YWHAE: variants seen among roughly 807,000 people sequenced by gnomAD.
YWHAE encodes 14-3-3 protein epsilon.
In YWHAE, 4 loss-of-function variants were observed where a neutral mutation model predicts 30.1. The observed-to-expected ratio is 0.13, with a 90% CI of 0.07 to 0.30. YWHAE has a LOEUF of 0.30. Ranked by LOEUF, YWHAE falls within the 10% of genes least tolerant of loss-of-function variation. The pLI is 1.00. For missense variants in YWHAE, 121 were observed against 315.9 expected, an observed-to-expected ratio of 0.38 and a Z score of 4.68; for synonymous variants, 118 against 111.8, an observed-to-expected ratio of 1.06 and a Z score of -0.35.
intron 1 of YWHAE, among the ~76,000 whole-genome samples, chr17:1,384,798 C>T (rs901951530): frequency 6.6e-6 from 1 of 151,942 alleles, no homozygotes; most frequent in Non-Finnish European, 1.5e-5. Flanking sequence ...CTCCGCCTCC[C>T]GGGTTCAAGA....
At chr17:1,359,812 TTGTGTGTGTGTGTG>T (rs59650315) in intron 4 of YWHAE, among the ~76,000 whole-genome samples, 10,088 of 130,658 alleles carry the variant, frequency 0.077, 493 homozygotes, top group Middle Eastern at 0.12. Flanking sequence ...CACTAAATTG[TTGTGTGTGTGTGTG>T]TGTGTGTGTG....
chr17:1,378,483 A>G (rs1402071877), intron 1 of YWHAE, among the ~76,000 whole-genome samples: 3 of 152,228 alleles, frequency 2.0e-5, no homozygotes, highest in Non-Finnish European at 1.5e-5. Flanking sequence ...TCTTGTTACT[A>G]TTCAGAAATA....
intron 1 of YWHAE, among the ~76,000 whole-genome samples, chr17:1,374,552 C>T (rs2073095536): frequency 6.6e-6 from 1 of 152,090 alleles, no homozygotes; most frequent in African/African-American, 2.4e-5. Flanking sequence ...ACACTCCCAC[C>T]AGCAACACAG....
intron 1 of YWHAE, among the ~76,000 whole-genome samples, chr17:1,395,884 C>T (rs979051306): frequency 2.6e-5 from 4 of 152,060 alleles, no homozygotes; most frequent in Non-Finnish European, 2.9e-5. Context: ...TCTGGGAGGC[C>T]GAGGCGGGCG....
intron 1 of YWHAE, among the ~76,000 whole-genome samples, chr17:1,389,085 C>T (rs1466951633): frequency 6.6e-6 from 1 of 152,132 alleles, no homozygotes; most frequent in Non-Finnish European, 1.5e-5. Flanking sequence ...ACCACCTTGG[C>T]CTCCCAAGTA....
At chr17:1,350,722 A>G (rs572474588) in intron 5 of YWHAE, among the ~76,000 whole-genome samples, 16 of 151,456 alleles carry the variant, frequency 1.1e-4, no homozygotes, top group South Asian at 4.2e-4. Flanking sequence ...GATTACAGGC[A>G]TGAGCCACTG....
At chr17:1,359,489 A>C (rs1471652196) in intron 4 of YWHAE, among the ~76,000 whole-genome samples, 2 of 152,212 alleles carry the variant, frequency 1.3e-5, no homozygotes, top group African/African-American at 4.8e-5. Context: ...TGTGCAAAAT[A>C]CATAAAATGA....
chr17:1,364,835 G>C, intron 2 of YWHAE, 24 bp downstream of exon 2: 1 of 1,613,850 alleles, frequency 6.2e-7, no homozygotes, highest in Non-Finnish European at 8.5e-7. Context: ...TGGATAAGGG[G>C]GGATGATGGC....
intron 1 of YWHAE, 155 bp downstream of exon 1, chr17:1,399,892 G>C: frequency 1.2e-6 from 1 of 860,646 alleles, no homozygotes; most frequent in South Asian, 1.5e-5. Flanking sequence ...GCCTCCCATC[G>C]CCCCGGGAGC....
chr17:1,399,949 T>G lies in YWHAE; in HGVS notation c.64+98A>C, dbSNP rs892043203. On this transcript the variant is annotated intron_variant, in intron 1 of 5. Transcript: ENST00000264335. ...CCGAACCCAAGCCCCCGGGCCAGGC[T>G]CGCAGACGATGCCGCCATTTTGTCT... is the stretch of plus-strand genomic sequence containing the variant. 7 of 1,481,364 alleles carry G rather than the reference T, an allele frequency of 4.7e-6. No homozygotes were observed. The African/African-American group carries it at 6.9e-5, about 15-fold the overall frequency. The allele number at this position is 1,481,364 out of a possible 1,614,324, so 91.8% of individuals were successfully genotyped here.
intron 1 of YWHAE, among the ~76,000 whole-genome samples, chr17:1,397,359 T>A (rs908671707): frequency 2.2e-4 from 34 of 152,200 alleles, no homozygotes; most frequent in African/African-American, 7.5e-4. Flanking sequence ...AGATTTAATC[T>A]TCAACTCCCA....
At chr17:1,370,418 A>T (rs963247497) in intron 1 of YWHAE, among the ~76,000 whole-genome samples, 2 of 151,406 alleles carry the variant, frequency 1.3e-5, no homozygotes, top group Admixed American at 1.3e-4. Flanking sequence ...GGCGTGAGCC[A>T]CCGCGACTGG....
chr17:1,348,033 G>C, intron 5 of YWHAE: 1 of 998,142 alleles, frequency 1.0e-6, no homozygotes, highest in Non-Finnish European at 1.2e-6. Flanking sequence ...AAAAGGGAGG[G>C]AGAACAATCA....
chr17:1,380,298 G>A (rs1019118060), intron 1 of YWHAE, among the ~76,000 whole-genome samples: 1 of 152,058 alleles, frequency 6.6e-6, no homozygotes, highest in African/African-American at 2.4e-5. Context: ...TTTTAGTAAA[G>A]GTGAGGTTTC....
intron 1 of YWHAE, among the ~76,000 whole-genome samples, chr17:1,386,237 T>C (rs938805164): frequency 5.3e-5 from 8 of 152,206 alleles, no homozygotes; most frequent in South Asian, 2.1e-4. Context: ...TTTACACCAG[T>C]AGTCAGTGAA....
intron 1 of YWHAE, among the ~76,000 whole-genome samples, chr17:1,379,659 T>C (rs2073175427): frequency 6.6e-6 from 1 of 152,156 alleles, no homozygotes; most frequent in African/African-American, 2.4e-5. Flanking sequence ...AATGCAAGAA[T>C]AGTGATCACT....
intron 1 of YWHAE, chr17:1,399,033 A>G (rs943161064): frequency 1.3e-5 from 2 of 152,166 alleles, no homozygotes; most frequent in African/African-American, 4.8e-5. Flanking sequence ...AGTCAACCAA[A>G]ATACAGTTAC....
chr17:1,394,436 CAAAAAAAAAAAAAAAAAA>C (rs544115909), intron 1 of YWHAE, among the ~76,000 whole-genome samples: 29 of 58,566 alleles, frequency 5.0e-4, no homozygotes, highest in African/African-American at 2.4e-3. Context: ...CTCAAATCCA[CAAAAAAAAAAAAAAAAAA>C]AAAAAAACAC....
At chr17:1,396,911 C>T (rs1247642929) in intron 1 of YWHAE, among the ~76,000 whole-genome samples, 1 of 151,076 alleles carries the variant, frequency 6.6e-6, no homozygotes, top group African/African-American at 2.4e-5. Context: ...CATGAGCCAC[C>T]GCACCTGGCC....
Sources: allele counts gnomAD v4.1 joint callset (sites outside exome capture counted in the v4.1 genomes callset), GRCh38; gene constraint gnomAD v4.1.1; transcripts MANE v1.5; gene names NCBI Gene and HGNC (gene_info 2026-07-23, HGNC 2026-07-21).